TGFBR3: variants seen among roughly 807,000 people sequenced by gnomAD.
The protein encoded by TGFBR3 is transforming growth factor beta receptor type 3.
In TGFBR3, 46 loss-of-function variants were observed where a neutral mutation model predicts 87.9. That is an observed-to-expected ratio of 0.52 (90% confidence interval 0.41 to 0.67). The LOEUF (loss-of-function observed/expected upper bound fraction) is 0.67. TGFBR3 is among the 30% of genes least tolerant of loss of function. The pLI, the probability that TGFBR3 is intolerant of heterozygous loss-of-function variation, is 0.00. For missense variants in TGFBR3, 866 were observed against 1,041.9 expected (o/e 0.83, Z 2.32); for synonymous variants, 381 against 391.6 (o/e 0.97, Z 0.32).
chr1:91,781,851 T>G (rs528302190), intron 3 of TGFBR3, among the ~76,000 whole-genome samples: 4 of 152,154 alleles, frequency 2.6e-5, no homozygotes, highest in Admixed American at 6.5e-5. Context: ...CAAGAAAAAG[T>G]AACTTGGAGT....
At chr1:91,891,765 T>C (rs893538728) in intron 2 of TGFBR3, among the ~76,000 whole-genome samples, 2 of 152,206 alleles carry the variant, frequency 1.3e-5, no homozygotes, top group African/African-American at 4.8e-5. Flanking sequence ...TTCTGCTCTG[T>C]TAACCTATTA....
At chr1:91,693,056 T>C (rs1338321089) in intron 16 of TGFBR3, among the ~76,000 whole-genome samples, 1 of 152,188 alleles carries the variant, frequency 6.6e-6, no homozygotes, top group African/African-American at 2.4e-5. Flanking sequence ...CACTGCATTA[T>C]AATCTTCCTT....
At chr1:91,719,161 T>C (rs1672275704) in intron 10 of TGFBR3, 151 bp downstream of exon 10, 1 of 1,014,180 alleles carries the variant, frequency 9.9e-7, no homozygotes, top group African/African-American at 1.6e-5. Context: ...AGGGTCAAAG[T>C]ACATCCATTT....
chr1:91,882,983 T>C (rs1177934431), intron 1 of TGFBR3, among the ~76,000 whole-genome samples: 1 of 152,178 alleles, frequency 6.6e-6, no homozygotes, highest in Non-Finnish European at 1.5e-5. Flanking sequence ...ACTTAGAAGA[T>C]GTTAATGAAA....
chr1:91,803,320 C>T (rs1377051936), intron 2 of TGFBR3, among the ~76,000 whole-genome samples: 1 of 152,218 alleles, frequency 6.6e-6, no homozygotes, highest in African/African-American at 2.4e-5. Context: ...CTATGTTTCC[C>T]AATCCCGCTA....
At chr1:91,718,843 T>G (rs1172847466) in intron 10 of TGFBR3, among the ~76,000 whole-genome samples, 1 of 152,226 alleles carries the variant, frequency 6.6e-6, no homozygotes, top group African/African-American at 2.4e-5. Context: ...TTTTGAGTTT[T>G]AAATTCTCTT....
At chr1:91,739,190 A>T (rs1673064845) in intron 4 of TGFBR3, among the ~76,000 whole-genome samples, 1 of 152,150 alleles carries the variant, frequency 6.6e-6, no homozygotes, top group Non-Finnish European at 1.5e-5. Context: ...TTTTCGCAGG[A>T]TGGCTCTGGC....
intron 5 of TGFBR3, 44 bp from the exon 6 acceptor site, chr1:91,730,017 G>T: frequency 1.2e-6 from 2 of 1,609,252 alleles, no homozygotes; most frequent in Non-Finnish European, 1.7e-6. Flanking sequence ...TGAGGTACTC[G>T]GTAACCAGAT....
chr1:91,883,001 A>T lies in TGFBR3; in HGVS notation c.-114+2877T>A, dbSNP rs188488665. On this transcript the variant is annotated intron_variant, in intron 1 of 16. Coordinates refer to ENST00000212355, the MANE Select transcript of TGFBR3 (RefSeq NM_003243.5). ...TAGAAGATGTTAATGAAAGATGATG[A>T]CAGGATTGTGAACACACCAACCTCC... Among the ~76,000 whole-genome samples, 306 of 152,316 alleles carry T rather than the reference A, an allele frequency of 2.0e-3. 4 individuals are homozygous for T. The highest frequency in any genetic ancestry group is 1.9e-3 in the Non-Finnish European group (129 of 68,026).
chr1:91,895,075 ACT>A (rs932363207), intron 2 of TGFBR3, among the ~76,000 whole-genome samples: 53 of 151,596 alleles, frequency 3.5e-4, no homozygotes, highest in African/African-American at 1.2e-3. Context: ...CAGCTGAGAC[ACT>A]CTCTCTGAAG....
At chr1:91,719,165 T>C in intron 10 of TGFBR3, 147 bp downstream of exon 10, 1 of 1,041,274 alleles carries the variant, frequency 9.6e-7, no homozygotes, top group Non-Finnish European at 1.4e-6. Context: ...TCAAAGTACA[T>C]CCATTTTGTT....
chr1:91,818,859 G>A (rs1676342734), intron 2 of TGFBR3, among the ~76,000 whole-genome samples: 1 of 152,162 alleles, frequency 6.6e-6, no homozygotes, highest in Admixed American at 6.5e-5. Flanking sequence ...TTTGTTGATG[G>A]TGGGGTTTTT....
At chr1:91,873,282 C>CTTTT (rs34364302) in intron 1 of TGFBR3, among the ~76,000 whole-genome samples, 37 of 100,924 alleles carry the variant, frequency 3.7e-4, no homozygotes, top group Non-Finnish European at 3.1e-4. Context: ...ATTTTCCCTT[C>CTTTT]TTTTTTTTTT....
chr1:91,831,157 T>C (rs1323180500), intron 2 of TGFBR3, among the ~76,000 whole-genome samples: 2 of 152,160 alleles, frequency 1.3e-5, no homozygotes, highest in Non-Finnish European at 2.9e-5. Context: ...AAACCAGTAA[T>C]AGTTTGTCTT....
At chr1:91,903,157 G>A (rs1406981704) in intron 1 of TGFBR3, among the ~76,000 whole-genome samples, 3 of 151,136 alleles carry the variant, frequency 2.0e-5, no homozygotes, top group Non-Finnish European at 4.4e-5. Context: ...TGACCAACAT[G>A]GCGAAACCCT....
intron 7 of TGFBR3, among the ~76,000 whole-genome samples, chr1:91,726,809 A>G (rs1292335345): frequency 6.8e-6 from 1 of 147,226 alleles, no homozygotes; most frequent in African/African-American, 2.5e-5. Context: ...AAAAAAAAAA[A>G]AAAAAAATTT....
At chr1:91,748,475 T>TC (rs1557690408) in intron 4 of TGFBR3, among the ~76,000 whole-genome samples, 4 of 152,214 alleles carry the variant, frequency 2.6e-5, no homozygotes, top group African/African-American at 9.6e-5. Context: ...TCAAGTGAAA[T>TC]ACTGATATGA....
intron 2 of TGFBR3, among the ~76,000 whole-genome samples, chr1:91,818,666 G>C (rs1196448588): frequency 6.6e-6 from 1 of 152,210 alleles, no homozygotes; most frequent in Non-Finnish European, 1.5e-5. Context: ...ACATACTCAA[G>C]TGGGACCTTT....
intron 3 of TGFBR3, among the ~76,000 whole-genome samples, chr1:91,761,661 A>G (rs917567773): frequency 6.6e-6 from 1 of 152,144 alleles, no homozygotes; most frequent in African/African-American, 2.4e-5. Flanking sequence ...ACAGCTAACA[A>G]AAGAACCATG....
Sources: gnomAD v4.1 joint callset for allele counts (sites outside exome capture counted in the v4.1 genomes callset) on GRCh38, gnomAD v4.1.1 for gene constraint, MANE v1.5 for transcripts, NCBI Gene and HGNC (gene_info 2026-07-23, HGNC 2026-07-21) for gene names.